The following STK32C variants were observed in gnomAD, a reference collection of about 807,000 sequenced individuals.
STK32C encodes serine/threonine kinase 32C.
In STK32C, 31 loss-of-function variants were observed where a neutral mutation model predicts 56.5. The observed-to-expected ratio is 0.55, with a 90% CI of 0.41 to 0.74. The LOEUF is 0.74. STK32C is among the 30% of genes least tolerant of loss of function. The probability of loss-of-function intolerance (pLI) is 0.00; values close to 1 mark genes in which losing one functional copy is unlikely to be tolerated. For synonymous variants in STK32C, 309 were observed against 289.4 expected (o/e 1.07, Z -0.69); for missense variants, 544 against 676.9 (o/e 0.80, Z 2.18).
chr10:132,298,687 G>A (rs779098280), intron 1 of STK32C, among the ~76,000 whole-genome samples: 5 of 151,936 alleles, frequency 3.3e-5, no homozygotes, highest in Non-Finnish European at 7.4e-5. Context: ...CGCCGTGTGT[G>A]GGGTCACTGG....
intron 2 of STK32C, among the ~76,000 whole-genome samples, chr10:132,229,728 T>C (rs1250366552): frequency 1.3e-5 from 2 of 152,194 alleles, no homozygotes; most frequent in Admixed American, 1.3e-4. Context: ...GACTCAGTCC[T>C]TTTGTGAAGC....
Position 132,249,816 on chromosome 10 carries a change from T to C in STK32C, c.263-3861A>G, listed in dbSNP as rs531351011. On this transcript the variant is annotated intron_variant, in intron 1 of 11. Transcript: ENST00000298630. The stretch of plus-strand genomic sequence containing the variant: ...CCCAGCTCCTGCCATCAGCAACCCA[T>C]GAGGGTCTCCGCACTGCCCCAGGCT... Among the ~76,000 whole-genome samples the C allele has an allele frequency of 7.2e-5, 11 of 152,254 alleles. No individual in the cohort carries two copies. The South Asian group carries it at 2.3e-3, about 32-fold the overall frequency.
chr10:132,248,553 G>C (rs929745653), intron 1 of STK32C, among the ~76,000 whole-genome samples: 2 of 152,254 alleles, frequency 1.3e-5, no homozygotes, highest in Admixed American at 6.5e-5. Flanking sequence ...GCAGCGGCCG[G>C]TAGAGGCAAA....
intron 1 of STK32C, among the ~76,000 whole-genome samples, chr10:132,291,004 C>T (rs551957548): frequency 6.6e-6 from 1 of 152,366 alleles, no homozygotes; most frequent in African/African-American, 2.4e-5. Context: ...CTCTCCCCTG[C>T]CTCCCTTCCG....
At chr10:132,331,425 AG>A in intron 1 of STK32C, 1 of 1,604,908 alleles carries the variant, frequency 6.2e-7, no homozygotes, top group Non-Finnish European at 8.5e-7. Context: ...ACCCTTCCTC[AG>A]GACACTCACT....
intron 2 of STK32C, among the ~76,000 whole-genome samples, chr10:132,240,078 C>A (rs554083007): frequency 2.0e-5 from 3 of 152,076 alleles, no homozygotes; most frequent in Non-Finnish European, 4.4e-5. Flanking sequence ...GAGGCCCCCC[C>A]CAAAGAAGAC....
rs533822102 is a variant in STK32C, at chr10:132,330,792, G to A, written c.301+644C>T. 1.1e-3 allele frequency among the ~76,000 whole-genome samples: 162 copies of A among 151,050 alleles called. 2 individuals carry two copies. The Middle Eastern group carries it at 0.021, about 19-fold the overall frequency. ...CCCAAAGTGCTAGGGTTACAGGCGT[G>A]AGCCATCGTGTCCGGCCTAAAAAAC... On this transcript the variant is annotated intron_variant, in intron 1 of 1. Transcript: ENST00000368619.
chr10:132,224,618 C>A, intron 7 of STK32C, 95 bp from the exon 8 acceptor site: 1 of 860,882 alleles, frequency 1.2e-6, no homozygotes, highest in African/African-American at 1.7e-5. Flanking sequence ...GAGAGGACCC[C>A]CTCCCCCCAC....
chr10:132,303,508 G>A (rs145314297), intron 1 of STK32C, among the ~76,000 whole-genome samples: 6 of 152,320 alleles, frequency 3.9e-5, no homozygotes, highest in African/African-American at 9.6e-5. Flanking sequence ...AATGAGGAAC[G>A]TGGGAGGGAA....
upstream of STK32C, chr10:132,332,084 C>T (rs2066795829): frequency 3.8e-6 from 1 of 261,156 alleles, no homozygotes; most frequent in East Asian, 7.6e-5. Flanking sequence ...CGCGCAGGCG[C>T]ACCACACCCC....
At chr10:132,292,154 T>C (rs575082305) in intron 1 of STK32C, among the ~76,000 whole-genome samples, 3 of 152,228 alleles carry the variant, frequency 2.0e-5, no homozygotes, top group African/African-American at 4.8e-5. Context: ...AGCAAGGACA[T>C]TGGAGGCAGA....
downstream of STK32C, among the ~76,000 whole-genome samples, chr10:132,322,424 T>C (rs2066428138): frequency 6.6e-6 from 1 of 152,232 alleles, no homozygotes; most frequent in Non-Finnish European, 1.5e-5. Context: ...GGATTATTTC[T>C]AGTATAGTGA....
chr10:132,219,603 C>T (rs190806878), intron 10 of STK32C, among the ~76,000 whole-genome samples: 11 of 152,344 alleles, frequency 7.2e-5, no homozygotes, highest in Admixed American at 7.2e-4. Flanking sequence ...ACCTTCCAAC[C>T]ATCCTGTGGC....
At chr10:132,225,117 CAG>C in intron 7 of STK32C, 114 bp downstream of exon 7, 3 of 745,412 alleles carry the variant, frequency 4.0e-6, no homozygotes, top group Non-Finnish European at 6.6e-6. Context: ...TCCTCAGACA[CAG>C]TGGAGACATC....
At chr10:132,309,699 G>A (rs1050800613), upstream of STK32C, among the ~76,000 whole-genome samples, 1 of 152,154 alleles carries the variant, frequency 6.6e-6, no homozygotes. Flanking sequence ...TGGTGAAGGA[G>A]CGTTTGGAAG....
At chr10:132,227,605 ATGGCGATGATGG>A (rs996225766) in intron 3 of STK32C, among the ~76,000 whole-genome samples, 1 of 144,006 alleles carries the variant, frequency 6.9e-6, no homozygotes, top group Non-Finnish European at 1.5e-5. Flanking sequence ...GGTGGTGGTG[ATGGCGATGATGG>A]TGGTGATGGT....
chr10:132,328,658 A>G (rs1438916737), intron 1 of STK32C, among the ~76,000 whole-genome samples: 1 of 152,254 alleles, frequency 6.6e-6, no homozygotes, highest in East Asian at 1.9e-4. Flanking sequence ...AGGAATGAAC[A>G]AGGACAGCTT....
intron 1 of STK32C, among the ~76,000 whole-genome samples, chr10:132,256,595 TG>T: frequency 6.6e-6 from 1 of 152,284 alleles, no homozygotes; most frequent in Middle Eastern, 3.4e-3. Context: ...AGCAGGGACC[TG>T]GGCTCCTCCA....
At chr10:132,227,586 A>C (rs914719857) in intron 3 of STK32C, among the ~76,000 whole-genome samples, 1 of 150,072 alleles carries the variant, frequency 6.7e-6, no homozygotes, top group African/African-American at 2.5e-5. Context: ...TGATGGTTGC[A>C]GTGGTGATGG....
Sources: gnomAD v4.1 joint callset for allele counts (sites outside exome capture counted in the v4.1 genomes callset) on GRCh38, gnomAD v4.1.1 for gene constraint, MANE v1.5 for transcripts, NCBI Gene and HGNC (gene_info 2026-07-23, HGNC 2026-07-21) for gene names.